Variants in TNFRSF10A observed in about 807,000 individuals in gnomAD.
TNFRSF10A encodes tumor necrosis factor receptor superfamily member 10A.
A neutral mutation model predicts 42.8 loss-of-function variants in TNFRSF10A; 44 were observed. The ratio of observed to expected loss-of-function variants is 1.03; its 90% CI spans 0.81 to 1.32. The LOEUF (loss-of-function observed/expected upper bound fraction) is 1.32. TNFRSF10A is among the 40% of genes most tolerant of loss of function. The pLI, the probability that TNFRSF10A is intolerant of heterozygous loss-of-function variation, is 0.00. For missense variants in TNFRSF10A, 680 were observed against 602.0 expected (o/e 1.13, Z -1.36); for synonymous variants, 259 against 234.2 (o/e 1.11, Z -0.97).
chr8:23,204,795 C>T (rs1029767500), intron 2 of TNFRSF10A, among the ~76,000 whole-genome samples: 1 of 152,016 alleles, frequency 6.6e-6, no homozygotes, highest in African/African-American at 2.4e-5. Flanking sequence ...TAGCACACTC[C>T]TAAATAACCA....
rs367963827 is a variant in TNFRSF10A, at chr8:23,202,644, G to A, written c.517+4C>T. ...TCTGGACAAGAGGTCCACACATTCTGTACCTGATTTACAAGCTGTACATGG... is the reference window on the plus strand; with the variant it reads ...TCTGGACAAGAGGTCCACACATTCTATACCTGATTTACAAGCTGTACATGG... On this transcript the variant is annotated splice_donor_region_variant and intron_variant, in intron 3 of 9. Coordinates refer to ENST00000221132, the MANE Select transcript of TNFRSF10A (RefSeq NM_003844.4). 2 of 1,611,368 alleles carry A rather than the reference G, an allele frequency of 1.2e-6. No homozygotes were observed. The highest frequency in any genetic ancestry group is 1.7e-6 in the Non-Finnish European group (2 of 1,177,712).
At chr8:23,192,065 A>G (rs1350752093) in intron 9 of TNFRSF10A, 52 bp from the exon 10 acceptor site, 1 of 1,562,872 alleles carries the variant, frequency 6.4e-7, no homozygotes, top group East Asian at 2.3e-5. Context: ...CTCAGTTCAG[A>G]AGGGGCAGAG....
chr8:23,204,848 C>A (rs772511052), intron 2 of TNFRSF10A, among the ~76,000 whole-genome samples: 4 of 151,740 alleles, frequency 2.6e-5, no homozygotes, highest in African/African-American at 4.8e-5. Context: ...GAAAATAAGA[C>A]GAATGAAAAT....
At chr8:23,209,986 T>C (rs1302573531) in intron 2 of TNFRSF10A, among the ~76,000 whole-genome samples, 2 of 152,176 alleles carry the variant, frequency 1.3e-5, no homozygotes, top group African/African-American at 4.8e-5. Flanking sequence ...TGGTGGGAGA[T>C]ATCTGAATCA....
At chr8:23,196,995 T>G in intron 9 of TNFRSF10A, 137 bp downstream of exon 9, 1 of 1,121,652 alleles carries the variant, frequency 8.9e-7, no homozygotes, top group Non-Finnish European at 1.3e-6. Flanking sequence ...TTTAGGGTCT[T>G]GATGGTCTAT....
At chr8:23,201,540 G>T (rs1340444963) in intron 4 of TNFRSF10A, among the ~76,000 whole-genome samples, 1 of 152,042 alleles carries the variant, frequency 6.6e-6, no homozygotes, top group Non-Finnish European at 1.5e-5. Flanking sequence ...TGTGCCTAGT[G>T]AACAAGTCAG....
chr8:23,222,733 T>A (rs1235349958), intron 1 of TNFRSF10A, among the ~76,000 whole-genome samples: 1 of 152,156 alleles, frequency 6.6e-6, no homozygotes. Flanking sequence ...TGTTGGGGTT[T>A]GGGGTGGATC....
rs542010335 is a variant in TNFRSF10A at position 23,216,275 on chromosome 8, G to A, written c.307-4063C>T. 1.9e-4 allele frequency among the ~76,000 whole-genome samples: 29 copies of A among 151,868 alleles called. 1 individual carries two copies. In the South Asian group the frequency reaches 5.6e-3, roughly 29 times the overall value. On this transcript the variant is annotated intron_variant, in intron 1 of 9. Transcript: ENST00000221132. ...TGAGTTTAATTTATACTTATTTTAC[G>A]GGTAAGTAATGCACACCTCTGAGTC... is the stretch of plus-strand genomic sequence containing the variant.
At chr8:23,212,698 TC>T (rs1313938584) in intron 1 of TNFRSF10A, among the ~76,000 whole-genome samples, 20 of 152,372 alleles carry the variant, frequency 1.3e-4, no homozygotes, top group African/African-American at 4.8e-4. Flanking sequence ...GCCCTTTCTT[TC>T]AATTCTTTTG....
At chr8:23,196,595 T>C (rs1284498565) in intron 9 of TNFRSF10A, among the ~76,000 whole-genome samples, 2 of 152,200 alleles carry the variant, frequency 1.3e-5, no homozygotes, top group African/African-American at 4.8e-5. Context: ...CCTACAGCAC[T>C]CAATGAAAGT....
intron 2 of TNFRSF10A, among the ~76,000 whole-genome samples, chr8:23,211,645 C>G (rs1771612009): frequency 1.3e-5 from 2 of 152,170 alleles, no homozygotes; most frequent in South Asian, 4.1e-4. Context: ...TGTCAAAACT[C>G]ACTACAAGAC....
At chr8:23,196,823 A>T (rs2128846845) in intron 9 of TNFRSF10A, among the ~76,000 whole-genome samples, 1 of 152,358 alleles carries the variant, frequency 6.6e-6, no homozygotes, top group African/African-American at 2.4e-5. Flanking sequence ...CACTGAAGTC[A>T]GTGGTGCCAT....
Position 23,225,085 on chromosome 8 carries a change from A to G in TNFRSF10A, c.-24T>C, listed in dbSNP as rs771311357. ...ATCCTGCCAGGTCAATCCAAGAAGC[A>G]GCGTGCTTGGCTATGACAAGACAGA... On this transcript the variant is annotated 5_prime_UTR_variant, in exon 1 of 10. Transcript: ENST00000221132. 6.7e-7 allele frequency: 1 copy of G among 1,489,186 alleles called. No individual in the cohort carries two copies. The highest frequency in any genetic ancestry group is 8.9e-7 in the Non-Finnish European group (1 of 1,121,508). 92.2% of individuals were successfully genotyped at this position (1,489,186 alleles called of 1,614,324 possible).
chr8:23,191,514 G>C lies in TNFRSF10A; in HGVS notation c.*180C>G, dbSNP rs1056949834. 1 of 791,064 alleles carries C rather than the reference G, an allele frequency of 1.3e-6. No individual in the cohort carries two copies. Among genetic ancestry groups the C allele is most frequent in the Non-Finnish European group, 1.9e-6 (1 of 518,282 alleles). 49.0% of individuals were successfully genotyped at this position (791,064 alleles called of 1,614,324 possible). A position where few individuals can be genotyped will look rare whatever the true frequency, so the allele number is the denominator to read the frequency against. Reference sequence around the variant, plus strand: ...GGCATTTCACGATGTTGGTCAGGCTGGTCTTGAACTTCTGACCTCAAGTGA... The same window carrying C: ...GGCATTTCACGATGTTGGTCAGGCTCGTCTTGAACTTCTGACCTCAAGTGA... On this transcript the variant is annotated 3_prime_UTR_variant, in exon 10 of 10. Coordinates refer to ENST00000221132, the MANE Select transcript of TNFRSF10A (RefSeq NM_003844.4).
chr8:23,192,076 G>C (rs1411676441), intron 9 of TNFRSF10A, 63 bp from the exon 10 acceptor site: 1 of 1,548,412 alleles, frequency 6.5e-7, no homozygotes, highest in Non-Finnish European at 8.7e-7. Flanking sequence ...AGGGGCAGAG[G>C]ATCCCACATC....
rs758591870 is a variant in TNFRSF10A at position 23,224,891 on chromosome 8, G to A, written c.171C>T (p.Thr57=). The part of the protein sequence containing the change: ...PRGGGRGALP[T]SMGQHGPSAR... ...CACTGGGTCCGTGCTGTCCCATGGA[G>A]GTAGGGAGCGCTCCTCGGCCCCCGC... is the stretch of plus-strand genomic sequence containing the variant. The change falls in exon 1 of 10, where the codon ACC becomes ACT. Residue 57 remains threonine (T), a synonymous_variant. Transcript: ENST00000221132. 7 of 1,590,856 alleles carry A rather than the reference G, an allele frequency of 4.4e-6. No homozygotes were observed. The highest frequency in any genetic ancestry group is 6.0e-6 in the Non-Finnish European group (7 of 1,168,950).
rs58691757 is a variant in TNFRSF10A at position 23,213,436 on chromosome 8, C to CTTTTTTTT, written c.307-1232_307-1225dup. Among the ~76,000 whole-genome samples the CTTTTTTTT allele has an allele frequency of 9.8e-4, 67 of 68,650 alleles. 4 individuals are homozygous for CTTTTTTTT. The highest frequency in any genetic ancestry group is 2.4e-3 in the African/African-American group (39 of 16,490). The allele number at this position is 68,650 out of a possible 152,430, so 45.0% of individuals were successfully genotyped here. On this transcript the variant is annotated intron_variant, in intron 1 of 9. Coordinates refer to ENST00000221132, the MANE Select transcript of TNFRSF10A (RefSeq NM_003844.4). ...GCTGGTTTGGGCTTAGTTTGCTCCT[C>CTTTTTTTT]TTTTTTTTTTTTTTTTTTTTTTTTT...
In TNFRSF10A at chr8:23,201,896, T is replaced by C; in HGVS notation, c.541A>G (p.Thr181Ala). 2 of 1,614,164 alleles carry C rather than the reference T, an allele frequency of 1.2e-6. No homozygotes were observed. ...TGACATGCTGTGTTCCTGGTCGTGG[T>C]GCAGGGACTTCTCTCTTCTTCATCT... is the stretch of plus-strand genomic sequence containing the variant. Reference protein sequence around the residue: ...KSDEEERSPCTTTRNTACQCK... With the variant: ...KSDEEERSPCATTRNTACQCK... The change falls in exon 4 of 10, where the codon ACC (threonine) becomes GCC (alanine). Residue 181 changes from threonine to alanine, a missense_variant. Thr to Ala is a moderately conservative substitution (Grantham distance 58, BLOSUM62 0). Coordinates refer to ENST00000221132, the MANE Select transcript of TNFRSF10A (RefSeq NM_003844.4).
chr8:23,199,567 ATGCTCAGCACATCCAGGACC>A lies in TNFRSF10A; in HGVS notation c.832-139_832-120del, dbSNP rs559331574. On this transcript the variant is annotated intron_variant, in intron 7 of 9. Coordinates refer to ENST00000221132, the MANE Select transcript of TNFRSF10A (RefSeq NM_003844.4). The stretch of plus-strand genomic sequence containing the variant: ...CCAGTGAGGTCACTCCAGGAAGTCC[ATGCTCAGCACATCCAGGACC>A]TGCTGCTGGGGCCAGGCCCTGGTGC... 1,358 of 1,271,792 alleles carry A rather than the reference ATGCTCAGCACATCCAGGACC, an allele frequency of 1.1e-3. 21 individuals are homozygous for A. Among genetic ancestry groups the A allele is most frequent in the Non-Finnish European group, 1.2e-4 (115 of 920,748 alleles). 78.8% of individuals were successfully genotyped at this position (1,271,792 alleles called of 1,614,324 possible). A position where few individuals can be genotyped will look rare whatever the true frequency, so the allele number is the denominator to read the frequency against.
Sources: gnomAD v4.1 joint callset for allele counts (sites outside exome capture counted in the v4.1 genomes callset) on GRCh38, gnomAD v4.1.1 for gene constraint, MANE v1.5 for transcripts, NCBI Gene and HGNC (gene_info 2026-07-23, HGNC 2026-07-21) for gene names.